KIF24: variants seen among roughly 807,000 people sequenced by gnomAD.
The protein encoded by KIF24 is kinesin family member 24.
KIF24 carries 81 observed loss-of-function variants against 118.9 expected under a neutral mutation model. The observed-to-expected ratio is 0.68, with a 90% CI of 0.57 to 0.82. The LOEUF is 0.82. Among genes scored for constraint, KIF24 ranks in the 40% least tolerant of loss-of-function variants. The pLI is 0.00. For missense variants in KIF24, 1,560 were observed against 1,661.6 expected (o/e 0.94, Z 1.06); for synonymous variants, 599 against 610.0 (o/e 0.98, Z 0.27).
chr9:34,260,224 A>G (rs755155707), intron 9 of KIF24, among the ~76,000 whole-genome samples: 2 of 152,218 alleles, frequency 1.3e-5, no homozygotes, highest in Non-Finnish European at 1.5e-5. Flanking sequence ...TTGGTTTGGC[A>G]ATCACACTTC....
chr9:34,328,435 T>C (rs1356700528), intron 1 of KIF24, among the ~76,000 whole-genome samples: 2 of 152,196 alleles, frequency 1.3e-5, no homozygotes, highest in Non-Finnish European at 2.9e-5. Flanking sequence ...AAGCCACAGA[T>C]GCAGGAAGAG....
chr9:34,327,018 C>G (rs1837692176), intron 1 of KIF24, among the ~76,000 whole-genome samples: 1 of 151,966 alleles, frequency 6.6e-6, no homozygotes, highest in Admixed American at 6.6e-5. Context: ...AAATTAACTG[C>G]TACATTCAGT....
chr9:34,306,057 C>A (rs1234959329), intron 3 of KIF24, among the ~76,000 whole-genome samples, 195 bp downstream of exon 3: 1 of 152,102 alleles, frequency 6.6e-6, no homozygotes, highest in Non-Finnish European at 1.5e-5. Context: ...ATTGCACCGT[C>A]TTTTGAAAAA....
rs566356358 is a variant in KIF24, at chr9:34,319,391, C to T, written c.-25-8020G>A. The T allele has an allele frequency of 2.1e-5, 19 of 913,718 alleles. No homozygotes were observed. In the South Asian group the frequency reaches 2.4e-4, roughly 12 times the overall value. The allele number at this position is 913,718 out of a possible 1,614,324, so 56.6% of individuals were successfully genotyped here. On this transcript the variant is annotated intron_variant, in intron 1 of 12. Transcript: ENST00000402558. The stretch of plus-strand genomic sequence containing the variant: ...GGCTTGGCCTGACTGAGGCCATTGA[C>T]AAGAACAAGGCAAACTTGTCACGCA...
At position 34,286,720 on chromosome 9, in the gene KIF24, A is replaced by G; in HGVS notation, c.1128-16T>C. 3 of 1,582,848 alleles carry G rather than the reference A, an allele frequency of 1.9e-6. 1 individual carries two copies. Among genetic ancestry groups the G allele is most frequent in the East Asian group, 4.5e-5 (2 of 44,744 alleles). On this transcript the variant is annotated splice_polypyrimidine_tract_variant and intron_variant, in intron 5 of 12. Coordinates refer to ENST00000402558, the MANE Select transcript of KIF24 (RefSeq NM_194313.4). ...TGCAAAGAGCCTGCAGATGCAAGAA[A>G]GTGGTTGGTATGATGGTGCTACTAA...
intron 1 of KIF24, among the ~76,000 whole-genome samples, chr9:34,326,446 G>A (rs527347655): frequency 1.3e-5 from 2 of 152,240 alleles, no homozygotes; most frequent in East Asian, 1.9e-4. Flanking sequence ...ATCAATAAGC[G>A]GTAGTTTTAG....
intron 5 of KIF24, among the ~76,000 whole-genome samples, chr9:34,289,515 T>TC (rs1263217829): frequency 6.6e-6 from 1 of 152,138 alleles, no homozygotes; most frequent in Non-Finnish European, 1.5e-5. Flanking sequence ...CCTCCCCCAT[T>TC]CCCTCTAACC....
chr9:34,303,464 T>G (rs1057373264), intron 3 of KIF24, among the ~76,000 whole-genome samples: 2 of 152,226 alleles, frequency 1.3e-5, no homozygotes, highest in African/African-American at 4.8e-5. Flanking sequence ...GCTTTCCTAG[T>G]ACTGAACTTG....
chr9:34,256,273 G>C lies in KIF24; in HGVS notation c.3334C>G (p.Leu1112Val), dbSNP rs1166592911. ...TCAGGGGGAGATGAGGACAGCCACA[G>C]GTGCCTAGTTGCTGAAGACACTGGC... is the stretch of plus-strand genomic sequence containing the variant. ...ALPVSSATRHLWLSSSPPDNK... is the reference protein window; with the variant it reads ...ALPVSSATRHVWLSSSPPDNK... The change falls in exon 11 of 13, where the codon CTG (leucine) becomes GTG (valine). Residue 1112 changes from leucine (L) to valine (V), a missense_variant. Transcript: ENST00000402558. The C allele has an allele frequency of 6.2e-7, 1 of 1,609,790 alleles. No individual in the cohort carries two copies. Among genetic ancestry groups the C allele is most frequent in the Non-Finnish European group, 8.5e-7 (1 of 1,177,714 alleles).
chr9:34,319,791 C>T (rs908628775), intron 1 of KIF24: 3 of 549,318 alleles, frequency 5.5e-6, no homozygotes, highest in Non-Finnish European at 6.8e-6. Flanking sequence ...ACCAGGGTTC[C>T]CGTGTGCTTG....
rs183429814 is a variant in KIF24, at chr9:34,287,751, T to C, written c.1128-1047A>G. ...CTTCTAGAGTAAAAGAATCTAGCCG[T>C]TGGATGCAGTGGTGTGTGTCTGTAG... On this transcript the variant is annotated intron_variant, in intron 5 of 12. Coordinates refer to ENST00000402558, the MANE Select transcript of KIF24 (RefSeq NM_194313.4). 6.8e-3 allele frequency among the ~76,000 whole-genome samples: 1,035 copies of C among 152,062 alleles called. 10 individuals carry two copies. Among genetic ancestry groups the C allele is most frequent in the Non-Finnish European group, 9.2e-3 (623 of 67,972 alleles).
chr9:34,272,009 T>C (rs1835526992), intron 6 of KIF24, 79 bp from the exon 7 acceptor site: 2 of 1,334,820 alleles, frequency 1.5e-6, no homozygotes, highest in Non-Finnish European at 2.0e-6. Flanking sequence ...CTAAGAGCAG[T>C]AGACAGCAGA....
At chr9:34,295,433 T>G (rs1328563075) in intron 4 of KIF24, among the ~76,000 whole-genome samples, 2 of 152,238 alleles carry the variant, frequency 1.3e-5, no homozygotes, top group Non-Finnish European at 1.5e-5. Flanking sequence ...TCCTAGCACT[T>G]TGGGAGACTG....
At chr9:34,299,849 T>C (rs1018969345) in intron 3 of KIF24, among the ~76,000 whole-genome samples, 1 of 150,276 alleles carries the variant, frequency 6.7e-6, no homozygotes. Flanking sequence ...TGTGTGTGTA[T>C]AGTTGGTCTA....
chr9:34,325,810 G>A (rs1837654878), intron 1 of KIF24, among the ~76,000 whole-genome samples: 1 of 152,162 alleles, frequency 6.6e-6, no homozygotes. Context: ...ATCGTTTGTG[G>A]TAACGGGTGG....
chr9:34,262,586 C>T (rs921210448), intron 9 of KIF24, among the ~76,000 whole-genome samples: 13 of 125,372 alleles, frequency 1.0e-4, no homozygotes, highest in Admixed American at 7.3e-4. Flanking sequence ...GCAGGCGGAT[C>T]GTTTGAGCTC....
chr9:34,327,383 T>C (rs1347251673), intron 1 of KIF24, among the ~76,000 whole-genome samples: 1 of 151,972 alleles, frequency 6.6e-6, no homozygotes, highest in East Asian at 1.9e-4. Context: ...TGGTTCTCCC[T>C]AAACTAAAAA....
intron 6 of KIF24, among the ~76,000 whole-genome samples, chr9:34,275,373 A>G (rs1835621511): frequency 6.6e-6 from 1 of 152,020 alleles, no homozygotes; most frequent in African/African-American, 2.4e-5. Flanking sequence ...CAGCCTAGGA[A>G]ACAAAGCAAG....
At chr9:34,320,332 C>CAAAAAAAAAA (rs66835823) in intron 1 of KIF24, among the ~76,000 whole-genome samples, 1 of 106,318 alleles carries the variant, frequency 9.4e-6, no homozygotes, top group Non-Finnish European at 1.9e-5. Context: ...AATGTTCCAA[C>CAAAAAAAAAA]AAAAAAAAAA....
Sources: allele counts gnomAD v4.1 joint callset (sites outside exome capture counted in the v4.1 genomes callset), GRCh38; gene constraint gnomAD v4.1.1; transcripts MANE v1.5; gene names NCBI Gene and HGNC (gene_info 2026-07-23, HGNC 2026-07-21).